Variants in EYA1 observed in about 807,000 individuals in gnomAD.
EYA1 encodes EYA transcriptional coactivator and phosphatase 1, also known as protein phosphatase EYA1.
Under a neutral mutation model 82.0 loss-of-function variants are expected in EYA1, and 16 were observed. The observed-to-expected ratio is 0.20, with a 90% CI of 0.13 to 0.30. The LOEUF (loss-of-function observed/expected upper bound fraction) is 0.30, where lower values mean the gene tolerates loss of function less well. EYA1 is among the 10% of genes least tolerant of loss of function. The pLI is 1.00. For synonymous variants in EYA1, 261 were observed against 264.4 expected (o/e 0.99, Z 0.12); for missense variants, 633 against 730.7 (o/e 0.87, Z 1.54).
chr8:71,323,956 C>G (rs566703671), intron 4 of EYA1: 1 of 152,254 alleles, frequency 6.6e-6, no homozygotes, highest in East Asian at 1.9e-4. Flanking sequence ...ATGGACTTAC[C>G]CAGCAGAATT....
intron 2 of EYA1, among the ~76,000 whole-genome samples, chr8:71,406,498 C>T (rs981291585): frequency 2.6e-5 from 4 of 152,108 alleles, no homozygotes; most frequent in Admixed American, 1.3e-4. Flanking sequence ...AGACAGTGGG[C>T]GCAGGCCAGT....
chr8:71,338,375 T>A (rs1040289957), intron 3 of EYA1, among the ~76,000 whole-genome samples: 11 of 152,260 alleles, frequency 7.2e-5, no homozygotes, highest in South Asian at 4.1e-4. Flanking sequence ...GCAATTGTGA[T>A]CAATAATTCC....
chr8:71,508,658 A>C (rs967636552), intron 2 of EYA1, among the ~76,000 whole-genome samples: 1 of 152,190 alleles, frequency 6.6e-6, no homozygotes, highest in African/African-American at 2.4e-5. Context: ...GTGAGTACAC[A>C]GTTTGAAGGC....
chr8:71,280,995 G>A (rs1473611074), intron 9 of EYA1, among the ~76,000 whole-genome samples: 6 of 152,162 alleles, frequency 3.9e-5, no homozygotes, highest in African/African-American at 1.4e-4. Flanking sequence ...GGGATCAAGC[G>A]ATCTGCCTGC....
intron 3 of EYA1, among the ~76,000 whole-genome samples, chr8:71,340,453 C>T (rs1399334658): frequency 6.6e-6 from 1 of 152,164 alleles, no homozygotes; most frequent in Admixed American, 6.5e-5. Flanking sequence ...AACCAACTGG[C>T]ATCCTAAGAT....
At chr8:71,527,339 T>C (rs2129278398) in intron 2 of EYA1, among the ~76,000 whole-genome samples, 1 of 152,322 alleles carries the variant, frequency 6.6e-6, no homozygotes, top group East Asian at 1.9e-4. Flanking sequence ...AAAGACTTTA[T>C]TAACTTCAGT....
chr8:71,515,503 T>C (rs139965549), intron 2 of EYA1, among the ~76,000 whole-genome samples: 111 of 151,938 alleles, frequency 7.3e-4, no homozygotes, highest in African/African-American at 2.5e-3. Context: ...ATTAATTATG[T>C]GGTAGCACAT....
chr8:71,474,009 T>C (rs998235159), intron 2 of EYA1, among the ~76,000 whole-genome samples: 8 of 151,478 alleles, frequency 5.3e-5, no homozygotes, highest in Non-Finnish European at 1.0e-4. Flanking sequence ...TGAGAACAGA[T>C]GGACACAGGG....
At chr8:71,546,469 C>A (rs1366389270) in intron 1 of EYA1, among the ~76,000 whole-genome samples, 1 of 151,920 alleles carries the variant, frequency 6.6e-6, no homozygotes, top group African/African-American at 2.4e-5. Flanking sequence ...GCACTCATAG[C>A]CAGGATCCTC....
At chr8:71,261,796 G>C (rs1024618266) in intron 11 of EYA1, among the ~76,000 whole-genome samples, 4 of 152,178 alleles carry the variant, frequency 2.6e-5, no homozygotes, top group African/African-American at 9.7e-5. Flanking sequence ...TAAGGGAAAG[G>C]CTAAACAGCT....
chr8:71,390,879 C>T (rs996386102), intron 2 of EYA1, among the ~76,000 whole-genome samples: 7 of 152,108 alleles, frequency 4.6e-5, no homozygotes, highest in African/African-American at 1.7e-4. Context: ...AGTTCACTCA[C>T]TCTTTCCTTT....
chr8:71,389,322 C>T (rs1829143085), intron 2 of EYA1, among the ~76,000 whole-genome samples: 1 of 151,808 alleles, frequency 6.6e-6, no homozygotes, highest in Non-Finnish European at 1.5e-5. Flanking sequence ...ATTTATATTG[C>T]TAAATCCTGC....
chr8:71,264,379 G>A (rs902899363), intron 11 of EYA1, among the ~76,000 whole-genome samples: 1 of 152,122 alleles, frequency 6.6e-6, no homozygotes, highest in African/African-American at 2.4e-5. Context: ...AATGATCACA[G>A]AAACACACCC....
intron 2 of EYA1, among the ~76,000 whole-genome samples, chr8:71,425,896 T>C (rs1248158214): frequency 2.6e-5 from 4 of 152,230 alleles, no homozygotes; most frequent in African/African-American, 9.6e-5. Context: ...CGTGAAATTC[T>C]AAGACCAATG....
chr8:71,477,951 A>C (rs1177449608), intron 2 of EYA1, among the ~76,000 whole-genome samples: 1 of 152,142 alleles, frequency 6.6e-6, no homozygotes, highest in East Asian at 1.9e-4. Flanking sequence ...CCTTGAAGAC[A>C]TTGGGTTAAG....
At chr8:71,311,437 T>C (rs1821325351) in intron 7 of EYA1, among the ~76,000 whole-genome samples, 1 of 152,198 alleles carries the variant, frequency 6.6e-6, no homozygotes, top group Admixed American at 6.5e-5. Flanking sequence ...CTTTGATTGG[T>C]AAGCAGCAGT....
chr8:71,314,610 TTTTC>T (rs752022047), intron 7 of EYA1, among the ~76,000 whole-genome samples: 8 of 152,154 alleles, frequency 5.3e-5, no homozygotes, highest in East Asian at 1.9e-4. Context: ...CCTATAAGCA[TTTTC>T]TTTGAGAATC....
intron 7 of EYA1, among the ~76,000 whole-genome samples, chr8:71,303,554 G>A (rs1342083575): frequency 7.1e-6 from 1 of 139,952 alleles, no homozygotes; most frequent in African/African-American, 2.5e-5. Context: ...AGAGAAGCAG[G>A]CTCAAGCAAT....
At chr8:71,400,221 A>G (rs1319409657) in intron 2 of EYA1, among the ~76,000 whole-genome samples, 1 of 152,268 alleles carries the variant, frequency 6.6e-6, no homozygotes, top group Non-Finnish European at 1.5e-5. Flanking sequence ...AATACTATTC[A>G]GCACATAGGC....
Sources: gnomAD v4.1 joint callset for allele counts (sites outside exome capture counted in the v4.1 genomes callset) on GRCh38, gnomAD v4.1.1 for gene constraint, MANE v1.5 for transcripts, NCBI Gene and HGNC (gene_info 2026-07-23, HGNC 2026-07-21) for gene names.